The following CEP112 variants were observed in gnomAD, a reference collection of about 807,000 sequenced individuals.
The protein encoded by CEP112 is centrosomal protein of 112 kDa.
A neutral mutation model predicts 153.0 loss-of-function variants in CEP112; 127 were observed. The observed-to-expected ratio is 0.83, with a 90% confidence interval of 0.72 to 0.96. The LOEUF is 0.96. Among genes scored for constraint, CEP112 ranks in the 40% least tolerant of loss-of-function variants. The pLI, the probability that CEP112 is intolerant of heterozygous loss-of-function variation, is 0.00. For synonymous variants in CEP112, 358 were observed against 374.4 expected (o/e 0.96, Z 0.51); for missense variants, 1,089 against 1,101.2 (o/e 0.99, Z 0.16).
At chr17:65,658,843 A>C (rs1297327985) in intron 24 of CEP112, among the ~76,000 whole-genome samples, 2 of 151,790 alleles carry the variant, frequency 1.3e-5, no homozygotes, top group East Asian at 1.9e-4. Flanking sequence ...ATGAGACGAA[A>C]GTTAGGAGAG....
chr17:65,919,007 C>T (rs1324083215), intron 19 of CEP112, among the ~76,000 whole-genome samples: 1 of 152,118 alleles, frequency 6.6e-6, no homozygotes, highest in Non-Finnish European at 1.5e-5. Flanking sequence ...TCAGTTCCCT[C>T]GTTATAAAAT....
intron 24 of CEP112, among the ~76,000 whole-genome samples, chr17:65,683,810 G>A (rs755900707): frequency 2.0e-5 from 3 of 152,146 alleles, no homozygotes; most frequent in South Asian, 4.1e-4. Context: ...TTGGAAGGCC[G>A]AGGCAGGCAG....
At chr17:66,062,548 T>C (rs2066965149) in intron 11 of CEP112, among the ~76,000 whole-genome samples, 1 of 152,070 alleles carries the variant, frequency 6.6e-6, no homozygotes, top group South Asian at 2.1e-4. Context: ...CAATCAAAAA[T>C]AAAATAAGTT....
chr17:65,991,806 C>A (rs1024075418), intron 17 of CEP112, among the ~76,000 whole-genome samples: 3 of 151,926 alleles, frequency 2.0e-5, no homozygotes, highest in African/African-American at 7.2e-5. Flanking sequence ...ACCAACCTTA[C>A]AAACAAAATG....
chr17:65,911,000 T>A (rs1459560261), intron 19 of CEP112, among the ~76,000 whole-genome samples: 3 of 152,186 alleles, frequency 2.0e-5, no homozygotes, highest in Non-Finnish European at 2.9e-5. Context: ...AGGCAATGGA[T>A]GATGTGTACA....
At chr17:66,164,821 C>CT (rs1448343054) in intron 4 of CEP112, among the ~76,000 whole-genome samples, 4 of 151,750 alleles carry the variant, frequency 2.6e-5, no homozygotes, top group Non-Finnish European at 5.9e-5. Flanking sequence ...TGCCATTGCA[C>CT]TCCAGCCTGG....
intron 21 of CEP112, among the ~76,000 whole-genome samples, chr17:65,839,579 T>C (rs2057442099): frequency 6.6e-6 from 1 of 151,482 alleles, no homozygotes; most frequent in South Asian, 2.1e-4. Context: ...AAGGGAAAAA[T>C]TGAGAGCCTT....
intron 19 of CEP112, among the ~76,000 whole-genome samples, chr17:65,910,308 T>C (rs1317262627): frequency 1.3e-5 from 2 of 152,150 alleles, no homozygotes; most frequent in Non-Finnish European, 2.9e-5. Context: ...TCAAAGAGAA[T>C]TCATGAATAT....
rs1238856297 is a variant in CEP112 at position 66,183,199 on chromosome 17, C to T, written c.101G>A (p.Arg34Lys). The part of the protein sequence containing the change: ...MKPFVLKLPH[R>K]TERQRCALWI... The stretch of plus-strand genomic sequence containing the variant: ...ATCTTCAAACATAATCTTACCTGTC[C>T]TATGAGGTAATTTTAGAACAAAGGG... Residue 34 changes from arginine to lysine, a missense_variant, in exon 2 of 27, where the codon AGG (arginine) becomes AAG (lysine). Arg to Lys is a conservative substitution (Grantham distance 26). Transcript: ENST00000535342. The T allele has an allele frequency of 6.3e-7, 1 of 1,590,416 alleles. No individual in the cohort carries two copies. Among genetic ancestry groups the T allele is most frequent in the South Asian group, 1.1e-5 (1 of 87,504 alleles).
At chr17:66,004,635 G>C (rs907560251) in intron 17 of CEP112, among the ~76,000 whole-genome samples, 2 of 152,182 alleles carry the variant, frequency 1.3e-5, no homozygotes, top group Non-Finnish European at 2.9e-5. Context: ...AAATATGGAT[G>C]TCTTGTGATG....
In CEP112 at chr17:66,070,144, A is replaced by T. The variant is rs58763141; in HGVS notation, c.769-143T>A. 9.5e-4 allele frequency: 564 copies of T among 594,580 alleles called. 3 individuals are homozygous for T. The highest frequency in any genetic ancestry group is 8.9e-3 in the African/African-American group (479 of 53,664). 36.8% of individuals were successfully genotyped at this position (594,580 alleles called of 1,614,324 possible). ...TGTAGTCACAGATTCTAGCAATCAC[A>T]TTACATATACCAATATGTTTATTTC... On this transcript the variant is annotated intron_variant, in intron 8 of 26. Transcript: ENST00000535342.
At chr17:65,827,720 C>T (rs968944143) in intron 21 of CEP112, among the ~76,000 whole-genome samples, 12 of 152,302 alleles carry the variant, frequency 7.9e-5, no homozygotes, top group Middle Eastern at 3.4e-3. Flanking sequence ...ATGTCTTTTC[C>T]AACTCCCCCA....
intron 21 of CEP112, among the ~76,000 whole-genome samples, chr17:65,821,426 G>A (rs554248826): frequency 3.8e-4 from 54 of 141,166 alleles, no homozygotes; most frequent in African/African-American, 1.3e-3. Context: ...GGAACTTAAC[G>A]GGATTTTCTA....
intron 25 of CEP112, among the ~76,000 whole-genome samples, chr17:65,639,759 G>A (rs369971747): frequency 2.7e-5 from 4 of 150,184 alleles, no homozygotes; most frequent in Non-Finnish European, 5.9e-5. Flanking sequence ...CCAACAATAC[G>A]TAAAACATTC....
intron 8 of CEP112, among the ~76,000 whole-genome samples, chr17:66,070,597 C>T (rs1157008392): frequency 6.6e-6 from 1 of 152,140 alleles, no homozygotes; most frequent in Non-Finnish European, 1.5e-5. Flanking sequence ...TCCTTAACTT[C>T]TATCCTCTCC....
rs71293591 is a variant in CEP112 at position 66,038,110 on chromosome 17, A to AAAAAAAAAAAAAAG, written c.1219-8088_1219-8087insCTTTTTTTTTTTTT. On this transcript the variant is annotated intron_variant, in intron 12 of 26. Transcript: ENST00000535342. Reference sequence around the variant, plus strand: ...AGCAAGACTCTGTCTCAAAAAAAAAAAAAAGAAAAGAAAAGAAAAGAAAAA... The same window carrying AAAAAAAAAAAAAAG: ...AGCAAGACTCTGTCTCAAAAAAAAAAAAAAAAAAAAAAAGAAAAGAAAAGAAAAGAAAAGAAAAA... Among the ~76,000 whole-genome samples, 61 of 120,688 alleles carry AAAAAAAAAAAAAAG rather than the reference A, an allele frequency of 5.1e-4. 1 individual carries two copies. The highest frequency in any genetic ancestry group is 6.7e-4 in the Non-Finnish European group (39 of 58,120). 79.2% of individuals were successfully genotyped at this position (120,688 alleles called of 152,430 possible).
intron 8 of CEP112, among the ~76,000 whole-genome samples, chr17:66,084,423 C>T (rs1024113748): frequency 3.3e-5 from 5 of 152,110 alleles, no homozygotes; most frequent in Non-Finnish European, 5.9e-5. Flanking sequence ...TATCCATCAG[C>T]GGATGAATGG....
At chr17:65,846,162 T>G (rs965472874) in intron 21 of CEP112, among the ~76,000 whole-genome samples, 2 of 152,198 alleles carry the variant, frequency 1.3e-5, no homozygotes, top group African/African-American at 4.8e-5. Flanking sequence ...ATTTTAAATT[T>G]CAGATTTATT....
At chr17:65,965,600 G>T (rs976894230) in intron 17 of CEP112, among the ~76,000 whole-genome samples, 1 of 145,900 alleles carries the variant, frequency 6.9e-6, no homozygotes, top group Non-Finnish European at 1.5e-5. Flanking sequence ...AGGGCTCACT[G>T]CAGCCTTGAA....
Sources: gnomAD v4.1 joint callset for allele counts (sites outside exome capture counted in the v4.1 genomes callset) on GRCh38, gnomAD v4.1.1 for gene constraint, MANE v1.5 for transcripts, NCBI Gene and HGNC (gene_info 2026-07-23, HGNC 2026-07-21) for gene names.